The following TUBGCP3 variants were observed in gnomAD, a reference collection of about 807,000 sequenced individuals.
TUBGCP3 encodes the protein tubulin gamma complex component 3, also known as gamma-tubulin complex component 3.
A neutral mutation model predicts 123.1 loss-of-function variants in TUBGCP3; 50 were observed. The ratio of observed to expected loss-of-function variants is 0.41; its 90% CI spans 0.32 to 0.51. The LOEUF is 0.51. Among genes scored for constraint, TUBGCP3 ranks in the 20% least tolerant of loss-of-function variants. The pLI is 0.36. For synonymous variants in TUBGCP3, 405 were observed against 413.9 expected (o/e 0.98, Z 0.26); for missense variants, 882 against 1,127.0 (o/e 0.78, Z 3.11).
intron 11 of TUBGCP3, among the ~76,000 whole-genome samples, chr13:112,539,257 G>A (rs1283324600): frequency 1.3e-5 from 2 of 152,328 alleles, no homozygotes; most frequent in East Asian, 3.9e-4. Context: ...CCAGAGAGGT[G>A]AAGGTATTTG....
intron 1 of TUBGCP3, 84 bp downstream of exon 1, chr13:112,587,821 A>G (rs1882729083): frequency 3.2e-6 from 4 of 1,254,102 alleles, no homozygotes; most frequent in Admixed American, 5.5e-5. Flanking sequence ...TCGTTCCTCC[A>G]GCCCCGGAAC....
chr13:112,485,939 G>C lies in TUBGCP3; in HGVS notation c.*54C>G. The C allele has an allele frequency of 7.8e-7, 1 of 1,275,188 alleles. No individual in the cohort carries two copies. The allele number at this position is 1,275,188 out of a possible 1,614,324, so 79.0% of individuals were successfully genotyped here. ...CCTGCAGGACGTCAATGGGAATTTCGTGTCTAGCAGTGCAACGAACATCAC... is the reference window on the plus strand; with the variant it reads ...CCTGCAGGACGTCAATGGGAATTTCCTGTCTAGCAGTGCAACGAACATCAC... On this transcript the variant is annotated 3_prime_UTR_variant, in exon 22 of 22. Coordinates refer to ENST00000261965, the MANE Select transcript of TUBGCP3 (RefSeq NM_006322.6).
At chr13:112,522,232 CTTT>C (rs2139069753) in intron 14 of TUBGCP3, 85 bp downstream of exon 14, 1 of 1,142,198 alleles carries the variant, frequency 8.8e-7, no homozygotes, top group Non-Finnish European at 1.2e-6. Context: ...AACTCATTTT[CTTT>C]TAATATAATT....
chr13:112,556,161 T>C lies in TUBGCP3; in HGVS notation c.612A>G (p.Ala204=), dbSNP rs142161013. 5.5e-5 allele frequency: 89 copies of C among 1,614,154 alleles called. No homozygotes were observed. The African/African-American group carries it at 7.7e-4, about 14-fold the overall frequency. ...AAGGCTGATTTGCAGTTAAAGTCCA[T>C]GCGAGTCGTGACCCCAACTGCTGTC... ...CLRQQLGSRL[A]WTLTANQPSS... The change falls in exon 6 of 22, where the codon GCA becomes GCG. Residue 204 remains alanine, a synonymous_variant. Transcript: ENST00000261965.
intron 20 of TUBGCP3, 116 bp from the exon 21 acceptor site, chr13:112,489,813 T>C (rs747642810): frequency 2.6e-6 from 2 of 764,946 alleles, no homozygotes; most frequent in Non-Finnish European, 4.5e-6. Flanking sequence ...TGCCTCTCTG[T>C]ACTGTTCAAC....
chr13:112,534,196 T>C (rs993184692), intron 11 of TUBGCP3, among the ~76,000 whole-genome samples: 2 of 152,156 alleles, frequency 1.3e-5, no homozygotes, highest in African/African-American at 4.8e-5. Context: ...CAAGTTTCAG[T>C]GCACAGCAGA....
chr13:112,537,416 T>C (rs1034960751), intron 11 of TUBGCP3, among the ~76,000 whole-genome samples: 5 of 152,200 alleles, frequency 3.3e-5, no homozygotes, highest in Non-Finnish European at 7.3e-5. Context: ...TCATTTTTTC[T>C]TTCACTGCCT....
chr13:112,556,687 G>A (rs1880075578), intron 5 of TUBGCP3, among the ~76,000 whole-genome samples: 1 of 152,136 alleles, frequency 6.6e-6, no homozygotes. Flanking sequence ...GGCCTCACCT[G>A]TCTTCAGCCT....
At chr13:112,492,104 ATCT>A (rs920961173) in intron 20 of TUBGCP3, among the ~76,000 whole-genome samples, 4 of 152,136 alleles carry the variant, frequency 2.6e-5, no homozygotes, top group African/African-American at 7.2e-5. Flanking sequence ...AAAACATATC[ATCT>A]TCTTCTTTGG....
At chr13:112,590,024 G>A (rs1049254561), upstream of TUBGCP3, among the ~76,000 whole-genome samples, 1 of 149,380 alleles carries the variant, frequency 6.7e-6, no homozygotes, top group East Asian at 2.0e-4. Context: ...ATGGAGTCTC[G>A]CTCTGTTGCC....
intron 11 of TUBGCP3, among the ~76,000 whole-genome samples, chr13:112,536,930 C>A (rs2139131084): frequency 6.6e-6 from 1 of 152,104 alleles, no homozygotes; most frequent in Admixed American, 6.5e-5. Flanking sequence ...CACCACTACA[C>A]CTGGCTCATT....
chr13:112,604,082 C>T, the TUBGCP3 span: 3 of 152,178 alleles, frequency 2.0e-5, no homozygotes, highest in Non-Finnish European at 4.4e-5. Context: ...ATGGTGAACT[C>T]ATAGAATCAC....
chr13:112,518,087 T>C (rs1876302724), intron 16 of TUBGCP3, among the ~76,000 whole-genome samples: 2 of 152,138 alleles, frequency 1.3e-5, no homozygotes, highest in African/African-American at 4.8e-5. Context: ...CAGGAATTTA[T>C]GTGTAAAAAG....
chr13:112,529,820 G>A (rs186835529), intron 11 of TUBGCP3, among the ~76,000 whole-genome samples: 6 of 152,312 alleles, frequency 3.9e-5, no homozygotes, highest in Admixed American at 3.3e-4. Flanking sequence ...CAGTCAGACT[G>A]TAAAACACAT....
intron 3 of TUBGCP3, among the ~76,000 whole-genome samples, chr13:112,561,365 G>A (rs753507960): frequency 7.2e-5 from 11 of 152,188 alleles, no homozygotes; most frequent in South Asian, 2.1e-4. Flanking sequence ...TCCTGTCATC[G>A]TCACAACCAC....
In TUBGCP3 at chr13:112,523,164, T is replaced by TA. The variant is rs1175417102; in HGVS notation, c.1556-656dup. Among the ~76,000 whole-genome samples, 5 of 152,348 alleles carry TA rather than the reference T, an allele frequency of 3.3e-5. No homozygotes were observed. In the East Asian group the frequency reaches 5.8e-4, roughly 18 times the overall value. On this transcript the variant is annotated intron_variant, in intron 13 of 21. Coordinates refer to ENST00000261965, the MANE Select transcript of TUBGCP3 (RefSeq NM_006322.6). ...AGCACAAAACCATTTTTAAAACTTA[T>TA]ATGAATACTTCATTTCATTAAACCC...
At chr13:112,488,151 A>G (rs993829509) in intron 21 of TUBGCP3, among the ~76,000 whole-genome samples, 7 of 150,728 alleles carry the variant, frequency 4.6e-5, no homozygotes, top group Non-Finnish European at 1.0e-4. Flanking sequence ...AAAAAAAAAA[A>G]AGTTTGAGGA....
intron 19 of TUBGCP3, among the ~76,000 whole-genome samples, chr13:112,502,191 TG>T (rs1454997561): frequency 6.6e-6 from 1 of 152,198 alleles, no homozygotes; most frequent in East Asian, 1.9e-4. Context: ...CTTACAAATC[TG>T]TTGAAGAGAC....
rs1881419663 is a variant in TUBGCP3, at chr13:112,508,018, G to C, written c.2087-3304C>G. Among the ~76,000 whole-genome samples, 1 of 152,120 alleles carries C rather than the reference G, an allele frequency of 6.6e-6. No homozygotes were observed. The highest frequency in any genetic ancestry group is 1.5e-5 in the Non-Finnish European group (1 of 68,020). ...AAACAACACTGTCATGCAATGCTCA[G>C]TGTCAGCCTAAACTCCTGACATCCC... is the stretch of plus-strand genomic sequence containing the variant. On this transcript the variant is annotated intron_variant, in intron 17 of 21. Coordinates refer to ENST00000261965, the MANE Select transcript of TUBGCP3 (RefSeq NM_006322.6). This position sits in a 1 kb window ranked among gnomAD's most constrained non-coding sequence, Gnocchi z 4.2.
Sources: gnomAD v4.1 joint callset for allele counts (sites outside exome capture counted in the v4.1 genomes callset) on GRCh38, gnomAD v4.1.1 for gene constraint, Gnocchi (gnomAD v3.1) non-coding constraint, MANE v1.5 for transcripts, NCBI Gene and HGNC (gene_info 2026-07-23, HGNC 2026-07-21) for gene names.